Variants in SLC35F4 observed in about 807,000 individuals in gnomAD.
The protein encoded by SLC35F4 is chromosome 14 open reading frame 36.
SLC35F4 carries 24 observed loss-of-function variants against 44.2 expected under a neutral mutation model. The ratio of observed to expected loss-of-function variants is 0.54; its 90% CI spans 0.39 to 0.76. The LOEUF is 0.76. Ranked by LOEUF, SLC35F4 falls within the 30% of genes least tolerant of loss-of-function variation. The pLI is 0.00. For missense variants in SLC35F4, 562 were observed against 586.1 expected, an observed-to-expected ratio of 0.96 and a Z score of 0.42; for synonymous variants, 238 against 223.6, an observed-to-expected ratio of 1.06 and a Z score of -0.57.
At chr14:57,910,004 T>C (rs535976478) in intron 1 of SLC35F4, among the ~76,000 whole-genome samples, 5 of 152,306 alleles carry the variant, frequency 3.3e-5, no homozygotes, top group African/African-American at 9.6e-5. Context: ...ATAGGTATGT[T>C]GTAGTATCTC....
At chr14:57,677,630 G>C (rs1463669285) in intron 1 of SLC35F4, among the ~76,000 whole-genome samples, 1 of 151,936 alleles carries the variant, frequency 6.6e-6, no homozygotes, top group Non-Finnish European at 1.5e-5. Context: ...GGCAGTCTTT[G>C]AAAAACCATA....
chr14:57,974,303 TC>T (rs1160316242), downstream of SLC35F4, among the ~76,000 whole-genome samples: 2 of 152,112 alleles, frequency 1.3e-5, no homozygotes, highest in Admixed American at 1.3e-4. Context: ...AGCTCAGTAC[TC>T]CCCAGAAACC....
intron 1 of SLC35F4, among the ~76,000 whole-genome samples, chr14:57,885,222 G>C (rs62005015): frequency 0.15 from 23,199 of 152,072 alleles, 1,874 homozygotes; most frequent in East Asian, 0.23. Context: ...CTAATCACTA[G>C]CTGTGTCACC....
intron 1 of SLC35F4, among the ~76,000 whole-genome samples, chr14:57,678,712 C>T (rs2074787819): frequency 2.0e-5 from 3 of 151,314 alleles, no homozygotes; most frequent in Admixed American, 2.0e-4. Flanking sequence ...AAAAAGAAAG[C>T]AGGGTTTGCA....
At chr14:57,924,399 GA>G (rs1889506709) in intron 1 of SLC35F4, among the ~76,000 whole-genome samples, 7 of 151,976 alleles carry the variant, frequency 4.6e-5, no homozygotes, top group Admixed American at 4.6e-4. Flanking sequence ...AAGAGAGAGA[GA>G]AAAGGGTGAT....
intron 1 of SLC35F4, chr14:57,630,179 A>C (rs1390813853): frequency 3.6e-6 from 2 of 561,110 alleles, no homozygotes; most frequent in South Asian, 1.4e-5. Context: ...AGAAGACACT[A>C]AATCAGATGA....
intron 3 of SLC35F4, among the ~76,000 whole-genome samples, chr14:57,587,016 A>G (rs1220735608): frequency 2.8e-5 from 4 of 144,326 alleles, no homozygotes; most frequent in African/African-American, 1.0e-4. Flanking sequence ...ACAAGCTATG[A>G]AAAAAAGCTC....
intron 1 of SLC35F4, among the ~76,000 whole-genome samples, chr14:57,600,183 A>G (rs1459952779): frequency 5.3e-5 from 8 of 152,202 alleles, no homozygotes; most frequent in Non-Finnish European, 1.2e-4. Context: ...AAACAAGCTC[A>G]CGTAAATTAT....
intron 1 of SLC35F4, among the ~76,000 whole-genome samples, chr14:57,710,806 T>C (rs1224544785): frequency 6.6e-6 from 1 of 152,068 alleles, no homozygotes; most frequent in Non-Finnish European, 1.5e-5. Flanking sequence ...ATGGGGATAT[T>C]TAACCAATTC....
intron 1 of SLC35F4, among the ~76,000 whole-genome samples, chr14:57,769,527 ATTTAT>A (rs1025306802): frequency 9.8e-5 from 15 of 152,298 alleles, no homozygotes; most frequent in African/African-American, 2.9e-4. Flanking sequence ...CATCTTAACT[ATTTAT>A]TTTAACATTT....
intron 1 of SLC35F4, among the ~76,000 whole-genome samples, chr14:57,979,035 G>GCAC (rs1881297948): frequency 6.6e-6 from 1 of 152,168 alleles, no homozygotes; most frequent in Non-Finnish European, 1.5e-5. Context: ...GTCATATTGT[G>GCAC]AACAGACAAT....
intron 1 of SLC35F4, among the ~76,000 whole-genome samples, chr14:57,714,394 T>C (rs552021078): frequency 4.8e-4 from 73 of 152,258 alleles, no homozygotes; most frequent in African/African-American, 1.6e-3. Flanking sequence ...TGTTTTTCCA[T>C]TGAGAGTCTT....
intron 1 of SLC35F4, among the ~76,000 whole-genome samples, chr14:57,725,467 G>A (rs187194814): frequency 2.0e-5 from 3 of 152,290 alleles, no homozygotes; most frequent in East Asian, 1.9e-4. Flanking sequence ...CTCCAGATAC[G>A]GGTTTGCCTA....
At chr14:57,937,555 G>C (rs1566505419) in intron 1 of SLC35F4, among the ~76,000 whole-genome samples, 1 of 129,134 alleles carries the variant, frequency 7.7e-6, no homozygotes, top group Non-Finnish European at 1.6e-5. Context: ...AGGAAGGAAG[G>C]AAAGAAAAGA....
intron 1 of SLC35F4, among the ~76,000 whole-genome samples, chr14:57,769,236 G>T (rs1378845213): frequency 6.6e-6 from 1 of 152,002 alleles, no homozygotes; most frequent in Non-Finnish European, 1.5e-5. Flanking sequence ...CCCGTGCTGG[G>T]CTTCCATTAG....
intron 1 of SLC35F4, among the ~76,000 whole-genome samples, chr14:57,801,120 G>T (rs150890287): frequency 6.6e-5 from 10 of 152,146 alleles, no homozygotes; most frequent in South Asian, 4.2e-4. Flanking sequence ...AGCCAGAAAG[G>T]CTGGGCCACC....
intron 1 of SLC35F4, among the ~76,000 whole-genome samples, chr14:57,792,239 T>C (rs563392856): frequency 6.6e-6 from 1 of 152,146 alleles, no homozygotes; most frequent in African/African-American, 2.4e-5. Context: ...AGAATATCTA[T>C]AATCAAAAAA....
chr14:57,615,507 C>T (rs2071764802), intron 1 of SLC35F4, among the ~76,000 whole-genome samples: 1 of 151,896 alleles, frequency 6.6e-6, no homozygotes. Context: ...AAATCCATGG[C>T]ACACAATGTA....
chr14:57,766,342 T>G (rs1209631290), intron 1 of SLC35F4, among the ~76,000 whole-genome samples: 1 of 152,230 alleles, frequency 6.6e-6, no homozygotes. Flanking sequence ...TGGAAAGTTT[T>G]GGCCTGGTCA....
Sources: allele counts gnomAD v4.1 joint callset (sites outside exome capture counted in the v4.1 genomes callset), GRCh38; gene constraint gnomAD v4.1.1; transcripts MANE v1.5; gene names NCBI Gene and HGNC (gene_info 2026-07-23, HGNC 2026-07-21).